The following LRRC4C variants were observed in gnomAD, a reference collection of about 807,000 sequenced individuals.
LRRC4C encodes the protein leucine rich repeat containing 4C, also known as leucine-rich repeat-containing protein 4C.
Under a neutral mutation model 33.6 loss-of-function variants are expected in LRRC4C, and 5 were observed. The ratio of observed to expected loss-of-function variants is 0.15; its 90% confidence interval spans 0.08 to 0.31. LRRC4C has a LOEUF of 0.31. LRRC4C is among the 10% of genes least tolerant of loss of function. LRRC4C has a pLI of 1.00. For synonymous variants in LRRC4C, 329 were observed against 302.0 expected, an observed-to-expected ratio of 1.09 and a Z score of -0.93; for missense variants, 560 against 796.7, an observed-to-expected ratio of 0.70 and a Z score of 3.58.
At chr11:41,065,132 G>A (rs1938128509) in intron 1 of LRRC4C, among the ~76,000 whole-genome samples, 1 of 152,058 alleles carries the variant, frequency 6.6e-6, no homozygotes, top group Admixed American at 6.6e-5. Flanking sequence ...CTCCCATGGA[G>A]CCCAGAAAGC....
chr11:40,469,295 C>T (rs747783526), intron 3 of LRRC4C, among the ~76,000 whole-genome samples: 21 of 152,172 alleles, frequency 1.4e-4, no homozygotes, highest in Non-Finnish European at 3.1e-4. Context: ...AACTCCCTCC[C>T]CTAGCCAAGG....
intron 2 of LRRC4C, among the ~76,000 whole-genome samples, chr11:40,652,807 A>G (rs6485215): frequency 0.38 from 57,226 of 152,104 alleles, 11,846 homozygotes; most frequent in East Asian, 0.61. Context: ...AGGAGGCCCC[A>G]AGGGCTCTGA....
At chr11:40,193,445 C>T (rs563001878) in intron 5 of LRRC4C, among the ~76,000 whole-genome samples, 3 of 152,250 alleles carry the variant, frequency 2.0e-5, no homozygotes, top group African/African-American at 7.2e-5. Flanking sequence ...AAACCCTATT[C>T]GAAGCTTACC....
chr11:40,924,100 ATGTGTG>A (rs755711151), intron 2 of LRRC4C, among the ~76,000 whole-genome samples: 4 of 144,798 alleles, frequency 2.8e-5, no homozygotes, highest in Admixed American at 7.0e-5. Flanking sequence ...GTGTGTGTGT[ATGTGTG>A]TGTGTGTGTG....
intron 3 of LRRC4C, among the ~76,000 whole-genome samples, chr11:40,372,101 C>A (rs943206396): frequency 8.5e-5 from 13 of 152,136 alleles, no homozygotes; most frequent in African/African-American, 2.9e-4. Flanking sequence ...CCAGCCTGGA[C>A]TAAGTAAAAA....
chr11:40,288,109 T>TAA (rs1943965303), intron 4 of LRRC4C, among the ~76,000 whole-genome samples: 1 of 152,196 alleles, frequency 6.6e-6, no homozygotes, highest in South Asian at 2.1e-4. Flanking sequence ...GCAGTTGTTA[T>TAA]TACCTCTATT....
chr11:41,151,625 C>T (rs1269774734), intron 1 of LRRC4C, among the ~76,000 whole-genome samples: 1 of 152,190 alleles, frequency 6.6e-6, no homozygotes, highest in African/African-American at 2.4e-5. Flanking sequence ...GTTTCATAGA[C>T]ATGAAGTGAA....
intron 4 of LRRC4C, among the ~76,000 whole-genome samples, chr11:40,244,240 A>C (rs1248053020): frequency 6.6e-6 from 1 of 152,098 alleles, no homozygotes; most frequent in African/African-American, 2.4e-5. Flanking sequence ...GCACTTTGAC[A>C]TGCTGAACTG....
At chr11:41,376,765 C>T (rs1471627960) in intron 1 of LRRC4C, among the ~76,000 whole-genome samples, 1 of 151,772 alleles carries the variant, frequency 6.6e-6, no homozygotes, top group African/African-American at 2.4e-5. Flanking sequence ...ATTATAAACA[C>T]ATTGATAAAA....
chr11:41,331,846 T>C (rs1951305314), intron 1 of LRRC4C, among the ~76,000 whole-genome samples: 1 of 152,172 alleles, frequency 6.6e-6, no homozygotes, highest in South Asian at 2.1e-4. Context: ...CACACTTAAA[T>C]GTACCACACG....
chr11:40,502,974 T>G (rs545326240), intron 3 of LRRC4C, among the ~76,000 whole-genome samples: 125 of 152,276 alleles, frequency 8.2e-4, no homozygotes, highest in Non-Finnish European at 1.3e-3. Context: ...CGTTGACAAC[T>G]TCAGATAGGC....
intron 1 of LRRC4C, among the ~76,000 whole-genome samples, chr11:41,058,584 C>A (rs968996250): frequency 6.6e-6 from 1 of 152,194 alleles, no homozygotes; most frequent in African/African-American, 2.4e-5. Flanking sequence ...AAAATAAATA[C>A]CCCAAATATC....
intron 1 of LRRC4C, among the ~76,000 whole-genome samples, chr11:40,980,975 A>C (rs1852477775): frequency 6.6e-6 from 1 of 152,186 alleles, no homozygotes; most frequent in Admixed American, 6.5e-5. Context: ...TTGTTATAAT[A>C]ATTCTATAAG....
chr11:40,428,133 C>T (rs1346867535), intron 3 of LRRC4C, among the ~76,000 whole-genome samples: 1 of 152,032 alleles, frequency 6.6e-6, no homozygotes, highest in East Asian at 1.9e-4. Context: ...TGTCTGTACC[C>T]AGGAATAAAA....
At chr11:40,492,232 C>T (rs1244134995) in intron 3 of LRRC4C, among the ~76,000 whole-genome samples, 1 of 152,164 alleles carries the variant, frequency 6.6e-6, no homozygotes, top group Non-Finnish European at 1.5e-5. Flanking sequence ...ACATTTGTCA[C>T]TCGACTACGT....
chr11:40,273,565 C>T (rs1012994130), intron 4 of LRRC4C, among the ~76,000 whole-genome samples: 1 of 152,068 alleles, frequency 6.6e-6, no homozygotes, highest in Non-Finnish European at 1.5e-5. Context: ...AAGAAAAGGC[C>T]TCTTTACGAT....
At chr11:40,438,371 A>G (rs980054791) in intron 3 of LRRC4C, among the ~76,000 whole-genome samples, 5 of 152,356 alleles carry the variant, frequency 3.3e-5, no homozygotes, top group East Asian at 1.9e-4. Flanking sequence ...ACAAAAAACT[A>G]TAACTGTCAT....
rs147401138 is a variant in LRRC4C at position 40,940,561 on chromosome 11, A to G, written c.-495-6838T>C. On this transcript the variant is annotated intron_variant, in intron 1 of 6. Transcript: ENST00000528697. The stretch of plus-strand genomic sequence containing the variant: ...GATCTCCCCTTTCCTATTTTTAACC[A>G]TCATCTTTTACATTATCTGCACATT... Among the ~76,000 whole-genome samples, 680 of 152,206 alleles carry G rather than the reference A, an allele frequency of 4.5e-3. 7 individuals are homozygous for G. Among genetic ancestry groups the G allele is most frequent in the African/African-American group, 0.015 (609 of 41,538 alleles).
chr11:40,483,452 G>A (rs186331911), intron 3 of LRRC4C, among the ~76,000 whole-genome samples: 22 of 152,236 alleles, frequency 1.4e-4, no homozygotes, highest in Admixed American at 6.5e-4. Context: ...AATGTGAGCC[G>A]TGGTTTAAAT....
Sources: gnomAD v4.1 joint callset for allele counts (sites outside exome capture counted in the v4.1 genomes callset) on GRCh38, gnomAD v4.1.1 for gene constraint, MANE v1.5 for transcripts, NCBI Gene and HGNC (gene_info 2026-07-23, HGNC 2026-07-21) for gene names.